Variants in KCNB2 observed in about 807,000 individuals in gnomAD.
KCNB2 encodes delayed rectifier potassium channel protein.
A neutral mutation model predicts 61.5 loss-of-function variants in KCNB2; 15 were observed. The ratio of observed to expected loss-of-function variants is 0.24; its 90% CI spans 0.16 to 0.38. The LOEUF (loss-of-function observed/expected upper bound fraction) is 0.38. Ranked by LOEUF, KCNB2 falls within the 10% of genes least tolerant of loss-of-function variation. KCNB2 has a pLI of 1.00. For missense variants in KCNB2, 828 were observed against 1,125.2 expected (o/e 0.74, Z 3.78); for synonymous variants, 457 against 446.0 (o/e 1.02, Z -0.31).
At chr8:72,863,765 C>G (rs1416825265) in intron 2 of KCNB2, among the ~76,000 whole-genome samples, 1 of 152,174 alleles carries the variant, frequency 6.6e-6, no homozygotes, top group Non-Finnish European at 1.5e-5. Flanking sequence ...ATTCCAGCAA[C>G]TTAGGAGGCC....
intron 2 of KCNB2, among the ~76,000 whole-genome samples, chr8:72,841,372 C>CTTTTTTTTTTTTTTTTTTTT (rs769263287): frequency 1.2e-4 from 4 of 34,224 alleles, no homozygotes; most frequent in Admixed American, 4.2e-4. Context: ...TTTTTTTTTT[C>CTTTTTTTTTTTTTTTTTTTT]TTTTTTTTTT....
intron 2 of KCNB2, among the ~76,000 whole-genome samples, chr8:72,754,461 G>A (rs978317948): frequency 1.3e-5 from 2 of 152,116 alleles, no homozygotes; most frequent in African/African-American, 4.8e-5. Context: ...CCCTGAGGGA[G>A]GGGACCCTTC....
chr8:72,653,799 T>G (rs1806248302), intron 2 of KCNB2, among the ~76,000 whole-genome samples: 1 of 152,328 alleles, frequency 6.6e-6, no homozygotes, highest in East Asian at 1.9e-4. Flanking sequence ...AACTACATGT[T>G]GATGGCATAT....
intron 2 of KCNB2, among the ~76,000 whole-genome samples, chr8:72,774,256 T>C (rs190348904): frequency 8.7e-4 from 132 of 152,316 alleles, no homozygotes; most frequent in African/African-American, 3.1e-3. Context: ...TATACCATTC[T>C]GCCCATTTTT....
At chr8:72,681,761 G>A (rs1486756085) in intron 2 of KCNB2, among the ~76,000 whole-genome samples, 4 of 152,148 alleles carry the variant, frequency 2.6e-5, no homozygotes, top group Admixed American at 2.6e-4. Context: ...CCACAAGCAC[G>A]TGAATAATGC....
At chr8:72,605,736 T>G (rs895162737) in intron 2 of KCNB2, among the ~76,000 whole-genome samples, 6 of 152,206 alleles carry the variant, frequency 3.9e-5, no homozygotes, top group Non-Finnish European at 8.8e-5. Context: ...CAGTTTCAAC[T>G]TTGTCAAGAT....
intron 2 of KCNB2, among the ~76,000 whole-genome samples, chr8:72,597,525 G>A (rs1352375629): frequency 6.6e-6 from 1 of 152,160 alleles, no homozygotes. Flanking sequence ...GCTACTCACT[G>A]GAAATACCAT....
At chr8:72,550,305 C>T (rs1806327273) in intron 1 of KCNB2, among the ~76,000 whole-genome samples, 1 of 152,150 alleles carries the variant, frequency 6.6e-6, no homozygotes, top group Non-Finnish European at 1.5e-5. Flanking sequence ...AAATTGTAGC[C>T]AGCTTTTTAC....
At chr8:72,731,314 A>G (rs1342853065) in intron 2 of KCNB2, among the ~76,000 whole-genome samples, 1 of 152,228 alleles carries the variant, frequency 6.6e-6, no homozygotes, top group Non-Finnish European at 1.5e-5. Context: ...TTAACATACA[A>G]TTAAATACAC....
At chr8:72,646,396 A>G (rs1251619862) in intron 2 of KCNB2, among the ~76,000 whole-genome samples, 1 of 152,152 alleles carries the variant, frequency 6.6e-6, no homozygotes, top group Non-Finnish European at 1.5e-5. Context: ...TTGTCCCTCA[A>G]AACTAAACTC....
intron 1 of KCNB2, among the ~76,000 whole-genome samples, chr8:72,551,403 C>T (rs1461394768): frequency 6.6e-6 from 1 of 152,272 alleles, no homozygotes; most frequent in East Asian, 1.9e-4. Context: ...ATGACGGGCT[C>T]TGGTCAGTCT....
At chr8:72,725,591 GTATATA>G (rs60157669) in intron 2 of KCNB2, among the ~76,000 whole-genome samples, 3,386 of 51,956 alleles carry the variant, frequency 0.065, 142 homozygotes, top group South Asian at 0.17. Flanking sequence ...ATATATGTAT[GTATATA>G]TATATATATA....
intron 2 of KCNB2, among the ~76,000 whole-genome samples, chr8:72,925,470 AT>A (rs961125039): frequency 4.6e-5 from 7 of 152,218 alleles, no homozygotes; most frequent in African/African-American, 1.7e-4. Flanking sequence ...ATAATATAGT[AT>A]TTATCTCATC....
At chr8:72,715,538 G>A (rs920915247) in intron 2 of KCNB2, among the ~76,000 whole-genome samples, 4 of 152,142 alleles carry the variant, frequency 2.6e-5, no homozygotes, top group Non-Finnish European at 4.4e-5. Flanking sequence ...CATGGAAACT[G>A]AACAACCTGC....
At chr8:72,752,437 G>T (rs574493571) in intron 2 of KCNB2, among the ~76,000 whole-genome samples, 3 of 152,140 alleles carry the variant, frequency 2.0e-5, no homozygotes, top group African/African-American at 4.8e-5. Context: ...CCTATTGAGG[G>T]TCTGAATAGA....
At chr8:72,600,597 A>G (rs982060559) in intron 2 of KCNB2, among the ~76,000 whole-genome samples, 3 of 151,808 alleles carry the variant, frequency 2.0e-5, no homozygotes, top group Non-Finnish European at 4.4e-5. Flanking sequence ...GTATAATAAT[A>G]ATAAAATTTA....
At chr8:72,765,123 T>C (rs1295181882) in intron 2 of KCNB2, among the ~76,000 whole-genome samples, 1 of 152,150 alleles carries the variant, frequency 6.6e-6, no homozygotes, top group Non-Finnish European at 1.5e-5. Flanking sequence ...TTGCCTGAAC[T>C]ACACTGCAGG....
intron 1 of KCNB2, among the ~76,000 whole-genome samples, chr8:72,550,331 T>C (rs1806327599): frequency 2.0e-5 from 3 of 152,222 alleles, no homozygotes; most frequent in Admixed American, 1.3e-4. Flanking sequence ...CACATTCAGC[T>C]AATATTTATT....
intron 2 of KCNB2, among the ~76,000 whole-genome samples, chr8:72,591,319 G>T (rs900710694): frequency 1.8e-4 from 27 of 152,042 alleles, no homozygotes; most frequent in African/African-American, 6.5e-4. Context: ...GCTTCTTTCA[G>T]GGCATCCAAT....
Sources: gnomAD v4.1 joint callset for allele counts (sites outside exome capture counted in the v4.1 genomes callset) on GRCh38, gnomAD v4.1.1 for gene constraint, MANE v1.5 for transcripts, NCBI Gene and HGNC (gene_info 2026-07-23, HGNC 2026-07-21) for gene names.